The following RASA2 variants were observed in gnomAD, a reference collection of about 807,000 sequenced individuals.
RASA2 encodes RAS p21 protein activator 2.
Under a neutral mutation model 118.2 loss-of-function variants are expected in RASA2, and 155 were observed. That is an observed-to-expected ratio of 1.31 (90% CI 1.15 to 1.50). RASA2 has a LOEUF of 1.50. Among genes scored for constraint, RASA2 ranks in the 40% most tolerant of loss-of-function variants. RASA2 has a pLI of 0.00. For synonymous variants in RASA2, 353 were observed against 349.1 expected (o/e 1.01, Z -0.12); for missense variants, 1,016 against 1,009.6 (o/e 1.01, Z -0.09).
chr3:141,498,062 G>A (rs2081729492), intron 1 of RASA2, among the ~76,000 whole-genome samples: 2 of 152,052 alleles, frequency 1.3e-5, no homozygotes. Flanking sequence ...TTTTAGTTTT[G>A]AATTTTACAG....
chr3:141,590,340 C>A (rs2083269669), intron 19 of RASA2, among the ~76,000 whole-genome samples: 2 of 152,194 alleles, frequency 1.3e-5, no homozygotes, highest in Admixed American at 1.3e-4. Context: ...TACAGTTTTT[C>A]TGTATCCTTT....
intron 15 of RASA2, among the ~76,000 whole-genome samples, chr3:141,579,206 T>C (rs1373757956): frequency 6.6e-6 from 1 of 152,214 alleles, no homozygotes; most frequent in Non-Finnish European, 1.5e-5. Flanking sequence ...GATATGTTTT[T>C]AGATGCAAGA....
At position 141,567,662 on chromosome 3, in the gene RASA2, C is replaced by T. The variant is rs899113059; in HGVS notation, c.864-3250C>T. On this transcript the variant is annotated intron_variant, in intron 9 of 23. Coordinates refer to ENST00000286364, the MANE Select transcript of RASA2 (RefSeq NM_006506.5). ...CATGATACCAAAGGAGAAAATCCCT[C>T]CCTTTACTGTAGCAAGTGTATACCA... 2.0e-5 allele frequency among the ~76,000 whole-genome samples: 3 copies of T among 152,126 alleles called. No homozygotes were observed. In the East Asian group the frequency reaches 5.8e-4, roughly 29 times the overall value.
intron 9 of RASA2, among the ~76,000 whole-genome samples, chr3:141,569,298 C>T (rs1229572118): frequency 6.6e-6 from 1 of 151,992 alleles, no homozygotes; most frequent in African/African-American, 2.4e-5. Context: ...AATTTTTTAA[C>T]TCCTGGAACT....
intron 5 of RASA2, among the ~76,000 whole-genome samples, chr3:141,549,561 G>A (rs1307801279): frequency 6.6e-6 from 1 of 151,816 alleles, no homozygotes; most frequent in Non-Finnish European, 1.5e-5. Flanking sequence ...TCTGTGATGT[G>A]GAAAATGCTT....
At chr3:141,531,290 C>T (rs2082255075) in intron 4 of RASA2, among the ~76,000 whole-genome samples, 1 of 151,596 alleles carries the variant, frequency 6.6e-6, no homozygotes, top group Non-Finnish European at 1.5e-5. Flanking sequence ...TGTAAATTTG[C>T]TAAACAATTT....
intron 19 of RASA2, among the ~76,000 whole-genome samples, chr3:141,589,332 G>A (rs1456992781): frequency 6.6e-6 from 1 of 152,034 alleles, no homozygotes; most frequent in Non-Finnish European, 1.5e-5. Flanking sequence ...TTCATTTAAA[G>A]CATTTTCTAA....
intron 3 of RASA2, 94 bp downstream of exon 3, chr3:141,516,525 T>C: frequency 2.1e-6 from 2 of 941,330 alleles, no homozygotes; most frequent in East Asian, 3.9e-5. Flanking sequence ...GAATAATATA[T>C]GCTCAACATC....
chr3:141,530,151 A>C (rs2082240360), intron 4 of RASA2, among the ~76,000 whole-genome samples: 1 of 152,044 alleles, frequency 6.6e-6, no homozygotes, highest in Non-Finnish European at 1.5e-5. Flanking sequence ...GAATCCCTGG[A>C]AGTCTGATTT....
At chr3:141,542,952 A>T (rs2082427391) in intron 5 of RASA2, among the ~76,000 whole-genome samples, 2 of 152,150 alleles carry the variant, frequency 1.3e-5, no homozygotes. Context: ...TGTAGACAGA[A>T]TATAGTTGGG....
At chr3:141,528,746 C>A (rs2082217479) in intron 3 of RASA2, among the ~76,000 whole-genome samples, 1 of 151,794 alleles carries the variant, frequency 6.6e-6, no homozygotes, top group African/African-American at 2.4e-5. Flanking sequence ...CGTATCTTGA[C>A]AGAAAAATTT....
intron 6 of RASA2, among the ~76,000 whole-genome samples, chr3:141,554,347 G>C (rs1362419282): frequency 6.6e-6 from 1 of 152,084 alleles, no homozygotes; most frequent in East Asian, 1.9e-4. Flanking sequence ...TATCTGGAAG[G>C]CAGCTCAGGA....
intron 9 of RASA2, among the ~76,000 whole-genome samples, chr3:141,565,611 C>G (rs762085664): frequency 4.6e-5 from 7 of 152,228 alleles, no homozygotes; most frequent in Non-Finnish European, 7.3e-5. Flanking sequence ...CACAAGCTCT[C>G]TTGCCTGCCG....
chr3:141,596,481 T>C (rs1360129814), intron 19 of RASA2, among the ~76,000 whole-genome samples: 1 of 152,194 alleles, frequency 6.6e-6, no homozygotes, highest in Admixed American at 6.5e-5. Flanking sequence ...AAATATTTGA[T>C]AAATTGGATC....
At chr3:141,491,024 A>G (rs910184432) in intron 1 of RASA2, among the ~76,000 whole-genome samples, 7 of 152,230 alleles carry the variant, frequency 4.6e-5, no homozygotes, top group East Asian at 3.8e-4. Context: ...TTCTTGTCCA[A>G]TGTATACTGG....
intron 5 of RASA2, among the ~76,000 whole-genome samples, chr3:141,551,301 CCTA>C (rs1157899759): frequency 2.6e-5 from 4 of 152,178 alleles, no homozygotes; most frequent in African/African-American, 9.7e-5. Context: ...CTTATGTTTT[CCTA>C]CTATTAAGGC....
At chr3:141,598,548 C>T (rs2083411303) in intron 19 of RASA2, among the ~76,000 whole-genome samples, 1 of 152,064 alleles carries the variant, frequency 6.6e-6, no homozygotes, top group African/African-American at 2.4e-5. Flanking sequence ...AGATTTTAGC[C>T]AATGCAGTAA....
At chr3:141,582,828 A>G (rs769231497) in intron 17 of RASA2, among the ~76,000 whole-genome samples, 12 of 152,268 alleles carry the variant, frequency 7.9e-5, no homozygotes, top group African/African-American at 2.9e-4. Context: ...GACATTTACT[A>G]TTGATGCAGA....
intron 4 of RASA2, among the ~76,000 whole-genome samples, chr3:141,540,005 C>T (rs933564102): frequency 6.6e-6 from 1 of 152,048 alleles, no homozygotes; most frequent in Non-Finnish European, 1.5e-5. Context: ...GGATTCCTAC[C>T]CACTCCCACA....
Sources: allele counts gnomAD v4.1 joint callset (sites outside exome capture counted in the v4.1 genomes callset), GRCh38; gene constraint gnomAD v4.1.1; transcripts MANE v1.5; gene names NCBI Gene and HGNC (gene_info 2026-07-23, HGNC 2026-07-21).